The following ITPR1 variants were observed in gnomAD, a reference collection of about 807,000 sequenced individuals.
ITPR1 encodes inositol 1,4,5-trisphosphate-gated calcium channel ITPR1.
In ITPR1, 96 loss-of-function variants were observed where a neutral mutation model predicts 318.4. The observed-to-expected ratio is 0.30, with a 90% CI of 0.26 to 0.36. The LOEUF (loss-of-function observed/expected upper bound fraction) is 0.36. ITPR1 is among the 10% of genes least tolerant of loss of function. ITPR1 has a pLI of 1.00. For missense variants in ITPR1, 2,440 were observed against 3,460.2 expected (o/e 0.71, Z 7.40); for synonymous variants, 1,312 against 1,289.9 (o/e 1.02, Z -0.37).
chr3:4,688,722 TATA>T, intron 31 of ITPR1, 102 bp downstream of exon 31: 1 of 1,124,880 alleles, frequency 8.9e-7, no homozygotes, highest in East Asian at 2.5e-5. Flanking sequence ...TGGGGCTTGT[TATA>T]ATGCAACATT....
chr3:4,686,762 G>A (rs201267297), intron 30 of ITPR1, among the ~76,000 whole-genome samples: 8 of 152,190 alleles, frequency 5.3e-5, no homozygotes, highest in Admixed American at 2.6e-4. Flanking sequence ...GGAAAAATCC[G>A]CTTCACACCA....
chr3:4,592,819 C>T (rs565160247), intron 4 of ITPR1, among the ~76,000 whole-genome samples: 3 of 152,274 alleles, frequency 2.0e-5, no homozygotes, highest in Admixed American at 6.5e-5. Flanking sequence ...CCTCTTTGAC[C>T]AGGGCTGGGT....
intron 10 of ITPR1, among the ~76,000 whole-genome samples, chr3:4,649,977 G>T (rs2093556547): frequency 6.6e-6 from 1 of 152,194 alleles, no homozygotes; most frequent in South Asian, 2.1e-4. Flanking sequence ...TTCAACCTAT[G>T]AATAATGAGA....
intron 56 of ITPR1, among the ~76,000 whole-genome samples, chr3:4,812,213 T>A (rs777134295): frequency 2.6e-5 from 4 of 152,088 alleles, no homozygotes; most frequent in African/African-American, 4.8e-5. Context: ...GCTAATTGTA[T>A]TTTTTGTAGA....
At chr3:4,802,617 G>A (rs377545194) in intron 54 of ITPR1, among the ~76,000 whole-genome samples, 11 of 152,006 alleles carry the variant, frequency 7.2e-5, no homozygotes, top group African/African-American at 1.7e-4. Context: ...GAGGCCAGGA[G>A]TTCAAGACCA....
chr3:4,836,996 C>T (rs943932670), intron 61 of ITPR1, 61 bp downstream of exon 61: 2 of 1,375,968 alleles, frequency 1.5e-6, no homozygotes, highest in African/African-American at 2.9e-5. Flanking sequence ...CACCCACTAT[C>T]ACCACACCAA....
intron 43 of ITPR1, 64 bp downstream of exon 43, chr3:4,733,284 TTCC>T (rs2043055714): frequency 6.3e-7 from 1 of 1,576,128 alleles, no homozygotes; most frequent in East Asian, 2.3e-5. Context: ...AGCTGCATGT[TTCC>T]TCCTAACAGG....
intron 4 of ITPR1, among the ~76,000 whole-genome samples, chr3:4,559,368 G>A (rs1023983112): frequency 1.3e-5 from 2 of 152,070 alleles, no homozygotes; most frequent in Non-Finnish European, 2.9e-5. Flanking sequence ...AAATTTTCAA[G>A]AAGTTTTAAT....
chr3:4,507,763 G>A (rs942347329), intron 2 of ITPR1, among the ~76,000 whole-genome samples: 2 of 152,136 alleles, frequency 1.3e-5, no homozygotes, highest in Non-Finnish European at 2.9e-5. Flanking sequence ...TCTTTTTGTA[G>A]CTTTTGGCCT....
At chr3:4,706,692 G>T (rs2094764664) in intron 37 of ITPR1, among the ~76,000 whole-genome samples, 1 of 152,134 alleles carries the variant, frequency 6.6e-6, no homozygotes, top group African/African-American at 2.4e-5. Context: ...TCACTCTGGG[G>T]TTATTTAGCC....
intron 4 of ITPR1, among the ~76,000 whole-genome samples, chr3:4,624,772 G>A (rs117480257): frequency 6.6e-6 from 1 of 151,456 alleles, no homozygotes; most frequent in Admixed American, 6.6e-5. Context: ...GAAACACATA[G>A]ATGCTTTGGG....
chr3:4,710,719 CCATT>C lies in ITPR1; in HGVS notation c.4991+259_4991+262del, dbSNP rs750954229. On this transcript the variant is annotated intron_variant, in intron 38 of 61. Transcript: ENST00000649015. The surrounding 1 kb of genome is among the most constrained non-coding windows in gnomAD (Gnocchi z 4.2). ...AGAAGTTCTTATTTTCACTGCATGC[CCATT>C]CATTCATTCATTACAGTGCACCCAC... 6.6e-6 allele frequency among the ~76,000 whole-genome samples: 1 copy of C among 151,956 alleles called. No individual in the cohort carries two copies. Among genetic ancestry groups the C allele is most frequent in the Non-Finnish European group, 1.5e-5 (1 of 68,004 alleles).
chr3:4,695,527 TC>T (rs1447287418), intron 33 of ITPR1, among the ~76,000 whole-genome samples: 6 of 151,976 alleles, frequency 3.9e-5, no homozygotes, highest in Non-Finnish European at 5.9e-5. Context: ...TGCAAAAACC[TC>T]CCCCCATTCC....
intron 4 of ITPR1, among the ~76,000 whole-genome samples, chr3:4,600,578 T>C (rs542640707): frequency 2.6e-5 from 4 of 152,294 alleles, no homozygotes; most frequent in South Asian, 4.1e-4. Flanking sequence ...ATTGAGAACA[T>C]TTTCCTGGCA....
intron 10 of ITPR1, among the ~76,000 whole-genome samples, chr3:4,649,564 G>A (rs2093548359): frequency 6.6e-6 from 1 of 152,112 alleles, no homozygotes; most frequent in Non-Finnish European, 1.5e-5. Flanking sequence ...TCCTATCTCT[G>A]TAGATTTGCC....
intron 60 of ITPR1, among the ~76,000 whole-genome samples, chr3:4,830,020 C>T (rs1381182594): frequency 2.5e-5 from 3 of 121,052 alleles, no homozygotes; most frequent in Admixed American, 1.2e-4. Context: ...GTTGCCCAGG[C>T]TGGAGTGCAT....
intron 4 of ITPR1, among the ~76,000 whole-genome samples, chr3:4,521,554 A>G (rs2082568235): frequency 6.6e-6 from 1 of 152,192 alleles, no homozygotes; most frequent in Non-Finnish European, 1.5e-5. Context: ...TTTTTGAGTT[A>G]AAAGACATAG....
intron 23 of ITPR1, 50 bp downstream of exon 23, chr3:4,675,298 C>A: frequency 7.4e-7 from 1 of 1,356,968 alleles, no homozygotes. Flanking sequence ...TCCAGCCTTT[C>A]CTGTTATGCT....
intron 60 of ITPR1, among the ~76,000 whole-genome samples, chr3:4,833,670 C>T (rs1448433550): frequency 1.3e-5 from 2 of 152,234 alleles, no homozygotes; most frequent in Admixed American, 6.5e-5. Context: ...CCAAGCTGCT[C>T]CTGCCTGTCT....
Sources: allele counts gnomAD v4.1 joint callset (sites outside exome capture counted in the v4.1 genomes callset), GRCh38; gene constraint gnomAD v4.1.1; non-coding constraint Gnocchi (gnomAD v3.1); transcripts MANE v1.5; gene names NCBI Gene and HGNC (gene_info 2026-07-23, HGNC 2026-07-21).